BMAL1: variants seen among roughly 807,000 people sequenced by gnomAD.
BMAL1 encodes the protein basic helix-loop-helix ARNT like 1.
the BMAL1 span, chr11:13,350,215 CA>C: frequency 6.6e-6 from 1 of 152,090 alleles, no homozygotes; most frequent in Non-Finnish European, 1.5e-5. Context: ...TTTGGCTGGT[CA>C]AAAAAGGGAG....
At chr11:13,360,682 T>C in the BMAL1 span, among the ~76,000 whole-genome samples, 1 of 152,190 alleles carries the variant, frequency 6.6e-6, no homozygotes, top group African/African-American at 2.4e-5. Context: ...AGAGTCAGGA[T>C]TTGTTAAAAA....
chr11:13,381,022 CCTA>C, the BMAL1 span: 1 of 708,320 alleles, frequency 1.4e-6, no homozygotes, highest in African/African-American at 1.8e-5. Context: ...GCCTAGAGAG[CCTA>C]CTATCTGGCC....
the BMAL1 span, among the ~76,000 whole-genome samples, chr11:13,319,147 T>C: frequency 6.6e-6 from 1 of 152,250 alleles, no homozygotes; most frequent in East Asian, 1.9e-4. Context: ...TCAATTATTA[T>C]GGTTATTTTT....
the BMAL1 span, chr11:13,378,334 T>C: frequency 6.2e-7 from 1 of 1,605,380 alleles, no homozygotes; most frequent in East Asian, 2.2e-5. Context: ...TCCTTTGTTG[T>C]AGGTGGCCCA....
the BMAL1 span, among the ~76,000 whole-genome samples, chr11:13,358,903 G>T: frequency 1.3e-5 from 2 of 152,212 alleles, no homozygotes; most frequent in African/African-American, 2.4e-5. Context: ...CTCACATCTT[G>T]CCTATGTTTG....
chr11:13,312,140 C>A, the BMAL1 span, among the ~76,000 whole-genome samples: 1 of 152,160 alleles, frequency 6.6e-6, no homozygotes, highest in African/African-American at 2.4e-5. Flanking sequence ...TTATTGAACA[C>A]TCATTATGTA....
At chr11:13,361,907 A>G in the BMAL1 span, among the ~76,000 whole-genome samples, 2 of 152,222 alleles carry the variant, frequency 1.3e-5, no homozygotes, top group Non-Finnish European at 2.9e-5. Flanking sequence ...CTTTTTATCA[A>G]GAAAGGATAC....
At chr11:13,325,933 G>A in the BMAL1 span, among the ~76,000 whole-genome samples, 2 of 151,762 alleles carry the variant, frequency 1.3e-5, no homozygotes, top group African/African-American at 2.4e-5. Flanking sequence ...GGCCGGGGGC[G>A]GTGGCTCACA....
the BMAL1 span, chr11:13,358,644 C>G: frequency 1.4e-6 from 2 of 1,456,506 alleles, no homozygotes; most frequent in Non-Finnish European, 1.8e-6. Flanking sequence ...AATGTTACCA[C>G]CCTTGCCTAG....
At chr11:13,307,739 T>C in the BMAL1 span, among the ~76,000 whole-genome samples, 11 of 152,284 alleles carry the variant, frequency 7.2e-5, no homozygotes, top group Middle Eastern at 3.4e-3. Flanking sequence ...GCTTCCTTTT[T>C]TGAGAAATCA....
the BMAL1 span, among the ~76,000 whole-genome samples, chr11:13,365,806 A>G: frequency 6.6e-6 from 1 of 152,240 alleles, no homozygotes; most frequent in Non-Finnish European, 1.5e-5. Flanking sequence ...TCTGATCGAT[A>G]GCATTATGGC....
At chr11:13,365,762 T>A in the BMAL1 span, among the ~76,000 whole-genome samples, 1 of 152,222 alleles carries the variant, frequency 6.6e-6, no homozygotes, top group African/African-American at 2.4e-5. Context: ...TGTAATATGT[T>A]CCGTATTCCC....
At chr11:13,341,902 TC>T in the BMAL1 span, among the ~76,000 whole-genome samples, 3 of 152,254 alleles carry the variant, frequency 2.0e-5, no homozygotes, top group African/African-American at 7.2e-5. Context: ...CAGGGGCATG[TC>T]AAGGCCAAGG....
chr11:13,306,132 T>C, the BMAL1 span, among the ~76,000 whole-genome samples: 1 of 152,000 alleles, frequency 6.6e-6, no homozygotes, highest in Non-Finnish European at 1.5e-5. Flanking sequence ...TCCATCCTGC[T>C]GGGAGTGGAA....
chr11:13,340,681 C>T, the BMAL1 span, among the ~76,000 whole-genome samples: 1 of 152,278 alleles, frequency 6.6e-6, no homozygotes, highest in South Asian at 2.1e-4. Flanking sequence ...TCCTGGATCT[C>T]TCCAGCTTTA....
At chr11:13,371,245 G>A in the BMAL1 span, among the ~76,000 whole-genome samples, 2 of 152,078 alleles carry the variant, frequency 1.3e-5, no homozygotes, top group Admixed American at 6.5e-5. Flanking sequence ...GTCCCAAATC[G>A]AACTATCTTT....
the BMAL1 span, among the ~76,000 whole-genome samples, chr11:13,325,917 A>G: frequency 1.3e-5 from 2 of 152,020 alleles, 1 homozygote; most frequent in South Asian, 4.2e-4. Flanking sequence ...AAAGAGTAGA[A>G]CAAGGGGCCG....
the BMAL1 span, chr11:13,379,092 A>C: frequency 6.6e-6 from 1 of 152,246 alleles, no homozygotes. Flanking sequence ...TGTTGATTTA[A>C]ACCATAAAAA....
the BMAL1 span, among the ~76,000 whole-genome samples, chr11:13,298,924 TC>T: frequency 6.6e-6 from 1 of 152,218 alleles, no homozygotes; most frequent in Non-Finnish European, 1.5e-5. Context: ...TTTTTCCTGT[TC>T]CAATTGCAAT....
Sources: gnomAD v4.1 joint callset for allele counts (sites outside exome capture counted in the v4.1 genomes callset) on GRCh38, gnomAD v4.1.1 for gene constraint, MANE v1.5 for transcripts, NCBI Gene and HGNC (gene_info 2026-07-23, HGNC 2026-07-21) for gene names.